The following NEURL4 variants were observed in gnomAD, a reference collection of about 807,000 sequenced individuals.
The protein encoded by NEURL4 is neuralized E3 ubiquitin protein ligase 4.
In NEURL4, 45 loss-of-function variants were observed where a neutral mutation model predicts 148.0. The ratio of observed to expected loss-of-function variants is 0.30; its 90% CI spans 0.24 to 0.39. NEURL4 has a LOEUF of 0.39. Among genes scored for constraint, NEURL4 ranks in the 10% least tolerant of loss-of-function variants. The pLI is 1.00. For synonymous variants in NEURL4, 854 were observed against 869.0 expected, an observed-to-expected ratio of 0.98 and a Z score of 0.30; for missense variants, 1,776 against 2,144.0, an observed-to-expected ratio of 0.83 and a Z score of 3.39.
At position 7,317,840 on chromosome 17, in the gene NEURL4, C is replaced by T; in HGVS notation, c.4153G>A (p.Glu1385Lys). ...GGCAGTGCATATTCCCGGGGAGGCT[C>T]CCCTCTGCGCCTGTGGGCCTCGTCT... ...RGDEAHRRRG[E>K]PPREYALPFG... The change falls in exon 26 of 29, where the codon GAG becomes AAG. Residue 1385 changes from glutamate (E) to lysine (K), a missense_variant. Coordinates refer to ENST00000399464, the MANE Select transcript of NEURL4 (RefSeq NM_032442.3). 1.2e-6 allele frequency: 2 copies of T among 1,614,088 alleles called. No individual in the cohort carries two copies. The highest frequency in any genetic ancestry group is 1.7e-6 in the Non-Finnish European group (2 of 1,180,038).
At chr17:7,320,258 G>A (rs1458069660) in intron 21 of NEURL4, among the ~76,000 whole-genome samples, 5 of 151,858 alleles carry the variant, frequency 3.3e-5, no homozygotes, top group African/African-American at 9.7e-5. Context: ...TCAGCCTCCC[G>A]AGTAGCTGGG....
At position 7,323,858 on chromosome 17, in the gene NEURL4, G is replaced by C. The variant is rs773540409; in HGVS notation, c.2217C>G (p.His739Gln). ...CGTCATTAAACTCGCTGCGACAGTT[G>C]TGGCGGAGGGCGGTGCGGCCCCCGT... ...ITNGGRTALR[H>Q]NCRSEFNDAI... The change falls in exon 12 of 29, where the codon CAC becomes CAG. Residue 739 changes from histidine (H) to glutamine (Q), a missense_variant. By Grantham distance (24) the His-to-Gln change is conservative. Coordinates refer to ENST00000399464, the MANE Select transcript of NEURL4 (RefSeq NM_032442.3). 1 of 1,614,110 alleles carries C rather than the reference G, an allele frequency of 6.2e-7. No individual in the cohort carries two copies. The highest frequency in any genetic ancestry group is 2.2e-5 in the East Asian group (1 of 44,890).
At position 7,318,398 on chromosome 17, in the gene NEURL4, C is replaced by A; in HGVS notation, c.3865-42G>T. 7 of 1,611,374 alleles carry A rather than the reference C, an allele frequency of 4.3e-6. No homozygotes were observed. Among genetic ancestry groups the A allele is most frequent in the Non-Finnish European group, 5.9e-6 (7 of 1,177,650 alleles). On this transcript the variant is annotated intron_variant, in intron 23 of 28. Coordinates refer to ENST00000399464, the MANE Select transcript of NEURL4 (RefSeq NM_032442.3). This position sits in a 1 kb window ranked among gnomAD's most constrained non-coding sequence, Gnocchi z 4.3. ...AGTCAGACAGAGCTTGGTCAGACCC[C>A]AGGGCCTGCTGATCCCTCCCTGGAA...
In NEURL4 at chr17:7,323,107, G is replaced by C; in HGVS notation, c.2434C>G (p.Gln812Glu). The change falls in exon 15 of 29, where the codon CAA becomes GAA. Residue 812 changes from glutamine to glutamate, a missense_variant. Physicochemically the swap from Gln to Glu is conservative, Grantham distance 29 (BLOSUM62 2). Transcript: ENST00000399464. ...TWMLSGTAIM[Q>E]DGNTMRNNYG... ...TTGTTGCGCATCGTGTTACCGTCTT[G>C]CATGATGGCTGTACCACTGGGGGGA... 1 of 1,612,958 alleles carries C rather than the reference G, an allele frequency of 6.2e-7. No homozygotes were observed.
chr17:7,318,427 A>G lies in NEURL4; in HGVS notation c.3864+68T>C. The G allele has an allele frequency of 1.2e-6, 2 of 1,610,472 alleles. No individual in the cohort carries two copies. The highest frequency in any genetic ancestry group is 1.7e-6 in the Non-Finnish European group (2 of 1,177,252). On this transcript the variant is annotated intron_variant, in intron 23 of 28. Coordinates refer to ENST00000399464, the MANE Select transcript of NEURL4 (RefSeq NM_032442.3). This position sits in a 1 kb window ranked among gnomAD's most constrained non-coding sequence, Gnocchi z 4.3. ...GCCTGCTGATCCCTCCCTGGAACAG[A>G]GATTTCCCCTGTCCTGGACAGCGCA...
At position 7,316,163 on chromosome 17, in the gene NEURL4, C is replaced by T. The variant is rs755133519; in HGVS notation, c.4649G>A (p.Gly1550Glu). ...CAGCAGGGCACAGAGGAGTGTGGCC[C>T]CCTTCTCCTTAGTGACCCACTCAAG... ...AELEWVTKEK[G>E]ATLLCALLVR... Residue 1550 changes from glycine to glutamate, a missense_variant, in exon 29 of 29, where the codon GGG becomes GAG. Physicochemically the swap from Gly to Glu is moderately conservative, Grantham distance 98 (BLOSUM62 -2). Transcript: ENST00000399464. 7.3e-5 allele frequency: 116 copies of T among 1,596,390 alleles called. No homozygotes were observed. Among genetic ancestry groups the T allele is most frequent in the Non-Finnish European group, 9.5e-5 (111 of 1,163,948 alleles).
chr17:7,320,674 C>CCA, intron 21 of NEURL4, 85 bp downstream of exon 21: 1 of 1,303,422 alleles, frequency 7.7e-7, no homozygotes, highest in Non-Finnish European at 1.1e-6. Flanking sequence ...TTCTTTTTCT[C>CCA]CACACAAAAA....
intron 8 of NEURL4, 56 bp downstream of exon 8, chr17:7,325,145 GCCCCGCCC>G: frequency 2.4e-6 from 2 of 830,660 alleles, no homozygotes; most frequent in Non-Finnish European, 3.6e-6. Flanking sequence ...CCACTTCCTT[GCCCCGCCC>G]CCCCCCCCCC....
intron 21 of NEURL4, among the ~76,000 whole-genome samples, chr17:7,320,393 CA>C (rs1436168425): frequency 6.6e-6 from 1 of 152,148 alleles, no homozygotes; most frequent in Non-Finnish European, 1.5e-5. Flanking sequence ...CCTTGGCCTC[CA>C]AAAGTTCTGG....
rs772589238 is a variant in NEURL4 at position 7,326,689 on chromosome 17, C to T, written c.1092+22G>A. On this transcript the variant is annotated intron_variant, in intron 4 of 28. Coordinates refer to ENST00000399464, the MANE Select transcript of NEURL4 (RefSeq NM_032442.3). This position sits in a 1 kb window ranked among gnomAD's most constrained non-coding sequence, Gnocchi z 6.0. ...TAGCTCCCAGGGATAAGGCGCCAAC[C>T]AGACCACAGGACTTTGCACACCTCA... is the stretch of plus-strand genomic sequence containing the variant. 39 of 1,607,460 alleles carry T rather than the reference C, an allele frequency of 2.4e-5. No homozygotes were observed. In the South Asian group the frequency reaches 3.3e-4, roughly 14 times the overall value.
In NEURL4 at chr17:7,322,165, T is replaced by C. The variant is rs1486886118; in HGVS notation, c.2726-155A>G. ...TCAGGGCCTCCTGACACCTCTTTATTGTATTTTGTTGAGGCAGAGTCTCGC... is the reference window on the plus strand; with the variant it reads ...TCAGGGCCTCCTGACACCTCTTTATCGTATTTTGTTGAGGCAGAGTCTCGC... On this transcript the variant is annotated intron_variant, in intron 16 of 28. Transcript: ENST00000399464. This position sits in a 1 kb window ranked among gnomAD's most constrained non-coding sequence, Gnocchi z 5.5. 2.0e-5 allele frequency among the ~76,000 whole-genome samples: 3 copies of C among 152,092 alleles called. No homozygotes were observed. The highest frequency in any genetic ancestry group is 4.4e-5 in the Non-Finnish European group (3 of 68,008).
At chr17:7,325,779 G>C in intron 6 of NEURL4, 66 bp from the exon 7 acceptor site, 1 of 1,290,254 alleles carries the variant, frequency 7.8e-7, no homozygotes, top group Non-Finnish European at 1.1e-6. Context: ...CTCCACACAG[G>C]AACAACTCCA....
intron 21 of NEURL4, among the ~76,000 whole-genome samples, chr17:7,319,674 T>C (rs2073002073): frequency 7.2e-6 from 1 of 138,396 alleles, no homozygotes; most frequent in Non-Finnish European, 1.5e-5. Flanking sequence ...CACTCTAGCC[T>C]GGGCGACAAG....
Position 7,326,416 on chromosome 17 carries a change from G to A in NEURL4, c.1204+21C>T, listed in dbSNP as rs775714082. On this transcript the variant is annotated intron_variant, in intron 5 of 28. Coordinates refer to ENST00000399464, the MANE Select transcript of NEURL4 (RefSeq NM_032442.3). This position sits in a 1 kb window ranked among gnomAD's most constrained non-coding sequence, Gnocchi z 6.0. ...TCAGCAACACCAGGCCTGCACCCCC[G>A]CCCCTGCCCGGGGCTGGTACCTGAC... 2.0e-5 allele frequency: 32 copies of A among 1,613,266 alleles called. No individual in the cohort carries two copies. The highest frequency in any genetic ancestry group is 1.3e-4 in the South Asian group (12 of 91,070).
chr17:7,326,648 G>C lies in NEURL4; in HGVS notation c.1092+63C>G, dbSNP rs1597639118. On this transcript the variant is annotated intron_variant, in intron 4 of 28. Coordinates refer to ENST00000399464, the MANE Select transcript of NEURL4 (RefSeq NM_032442.3). This position sits in a 1 kb window ranked among gnomAD's most constrained non-coding sequence, Gnocchi z 6.0. ...CAGGGCCCACCCTCCTAGCACCAAGGGTCAATCCCCATCTTTAGCTCCCAG... is the reference window on the plus strand; with the variant it reads ...CAGGGCCCACCCTCCTAGCACCAAGCGTCAATCCCCATCTTTAGCTCCCAG... 5.6e-6 allele frequency: 9 copies of C among 1,604,090 alleles called. No individual in the cohort carries two copies. The East Asian group carries it at 1.6e-4, about 28-fold the overall frequency.
chr17:7,325,144 T>TTGGGGGGGGGGGGGGGGGGGGGGGGGG, intron 8 of NEURL4, 65 bp downstream of exon 8: 2 of 956,488 alleles, frequency 2.1e-6, no homozygotes, highest in Non-Finnish European at 3.1e-6. Flanking sequence ...TCCACTTCCT[T>TTGGGGGGGGGGGGGGGGGGGGGGGGGG]GCCCCGCCCC....
chr17:7,327,380 T>C lies in NEURL4; in HGVS notation c.727+60A>G, dbSNP rs2143013597. ...CCCTGCCCACACCCAGCCTGTCTTG[T>C]CACTCTATTTCCCCCATTCCGTCCC... On this transcript the variant is annotated intron_variant, in intron 2 of 28. Transcript: ENST00000399464. The surrounding 1 kb of genome is among the most constrained non-coding windows in gnomAD (Gnocchi z 6.6). The C allele has an allele frequency of 6.8e-7, 1 of 1,469,416 alleles. No individual in the cohort carries two copies. Among genetic ancestry groups the C allele is most frequent in the East Asian group, 2.3e-5 (1 of 43,866 alleles). The allele number at this position is 1,469,416 out of a possible 1,614,324, so 91.0% of individuals were successfully genotyped here.
At position 7,323,078 on chromosome 17, in the gene NEURL4, A is replaced by G; in HGVS notation, c.2463T>C (p.Tyr821=). The change falls in exon 15 of 29, where the codon TAT becomes TAC. Residue 821 remains tyrosine, a synonymous_variant. Transcript: ENST00000399464. The part of the protein sequence containing the change: ...MQDGNTMRNN[Y]GCDLDALGTG... ...TGCCCAGCGCATCCAGGTCACACCC[A>G]TAATTGTTGCGCATCGTGTTACCGT... is the stretch of plus-strand genomic sequence containing the variant. 1 of 1,613,748 alleles carries G rather than the reference A, an allele frequency of 6.2e-7. No homozygotes were observed. Among genetic ancestry groups the G allele is most frequent in the Admixed American group, 1.7e-5 (1 of 60,016 alleles).
Position 7,323,718 on chromosome 17 carries a change from A to T in NEURL4, c.2267T>A (p.Leu756Gln). The stretch of plus-strand genomic sequence containing the variant: ...AATTTCAAACAGCTCTCCATCCCGC[A>T]GGGCCCTGCCAGGAGACTGGCGATC... ...NDAIVISNRA[L>Q]RDGELFEIVI... is the part of the protein sequence containing the mutation. Residue 756 changes from leucine to glutamine, a missense_variant, in exon 13 of 29, where the codon CTG becomes CAG. By Grantham distance (113) the Leu-to-Gln change is moderately radical. Coordinates refer to ENST00000399464, the MANE Select transcript of NEURL4 (RefSeq NM_032442.3). 1 of 1,614,038 alleles carries T rather than the reference A, an allele frequency of 6.2e-7. No homozygotes were observed. The highest frequency in any genetic ancestry group is 8.5e-7 in the Non-Finnish European group (1 of 1,179,978).
Sources: gnomAD v4.1 joint callset for allele counts (sites outside exome capture counted in the v4.1 genomes callset) on GRCh38, gnomAD v4.1.1 for gene constraint, Gnocchi (gnomAD v3.1) non-coding constraint, MANE v1.5 for transcripts, NCBI Gene and HGNC (gene_info 2026-07-23, HGNC 2026-07-21) for gene names.